The following CLIP1 variants were observed in gnomAD, a reference collection of about 807,000 sequenced individuals.
CLIP1 encodes CAP-Gly domain-containing linker protein 1.
CLIP1 carries 66 observed loss-of-function variants against 161.6 expected under a neutral mutation model. The ratio of observed to expected loss-of-function variants is 0.41; its 90% CI spans 0.33 to 0.50. The LOEUF is 0.50. Ranked by LOEUF, CLIP1 falls within the 20% of genes least tolerant of loss-of-function variation. CLIP1 has a pLI of 0.27. For missense variants in CLIP1, 1,376 were observed against 1,702.0 expected (o/e 0.81, Z 3.37); for synonymous variants, 598 against 626.2 (o/e 0.96, Z 0.67).
chr12:122,311,431 T>TG lies in CLIP1; in HGVS notation c.3474-1550_3474-1549insC, dbSNP rs201832428. Reference sequence around the variant, plus strand: ...AAAACAAAATTATTATTATTATTATTTTTTTTTTTTTGAGACAGAGTCTCG... The same window carrying TG: ...AAAACAAAATTATTATTATTATTATTGTTTTTTTTTTTGAGACAGAGTCTCG... On this transcript the variant is annotated intron_variant, in intron 19 of 25. Transcript: ENST00000620786. The surrounding 1 kb of genome is among the most constrained non-coding windows in gnomAD (Gnocchi z 4.3). Among the ~76,000 whole-genome samples, 1 of 147,314 alleles carries TG rather than the reference T, an allele frequency of 6.8e-6. No homozygotes were observed. Among genetic ancestry groups the TG allele is most frequent in the Non-Finnish European group, 1.5e-5 (1 of 67,492 alleles).
chr12:122,367,387 A>C (rs1954222006), intron 3 of CLIP1, among the ~76,000 whole-genome samples: 1 of 152,254 alleles, frequency 6.6e-6, no homozygotes, highest in Non-Finnish European at 1.5e-5. Flanking sequence ...CTCATTTAAC[A>C]GAAAATGTAT....
chr12:122,384,962 C>G (rs1405621570), intron 1 of CLIP1, among the ~76,000 whole-genome samples: 3 of 143,288 alleles, frequency 2.1e-5, no homozygotes, highest in African/African-American at 7.8e-5. Context: ...TTGAGACAGT[C>G]TCGCTCTGTC....
chr12:122,357,660 G>T lies in CLIP1; in HGVS notation c.1006-2348C>A, dbSNP rs1026873863. ...GGGAAGTGAGGAGCCCCTCTGCCCG[G>T]CCAGCCGCCCCGTCCGGGAGGGAGA... On this transcript the variant is annotated intron_variant, in intron 5 of 25. Coordinates refer to ENST00000620786, the MANE Select transcript of CLIP1 (RefSeq NM_001247997.2). 2.7e-5 allele frequency among the ~76,000 whole-genome samples: 4 copies of T among 148,544 alleles called. 1 individual carries two copies. The highest frequency in any genetic ancestry group is 4.5e-5 in the Non-Finnish European group (3 of 66,866).
At chr12:122,276,382 C>CCA (rs71082959) in intron 24 of CLIP1, 13,281 of 1,153,266 alleles carry the variant, frequency 0.012, 75 homozygotes, top group Middle Eastern at 0.052. Context: ...TAGTGGGAAA[C>CCA]CACACACACA....
chr12:122,292,951 C>T (rs1187208908), intron 20 of CLIP1, among the ~76,000 whole-genome samples: 4 of 138,766 alleles, frequency 2.9e-5, no homozygotes, highest in South Asian at 2.2e-4. Context: ...TGCAGTGGGC[C>T]GAGATAGCAC....
intron 1 of CLIP1, among the ~76,000 whole-genome samples, 183 bp downstream of exon 1, chr12:122,422,338 C>A (rs1593289666): frequency 6.6e-6 from 1 of 151,796 alleles, no homozygotes; most frequent in Non-Finnish European, 1.5e-5. Context: ...GCCTCCGGCG[C>A]CGGCCACCCG....
chr12:122,277,846 A>AAG, intron 24 of CLIP1: 1 of 253,102 alleles, frequency 4.0e-6, no homozygotes, highest in Non-Finnish European at 7.5e-6. Flanking sequence ...AAAAAAAAAA[A>AAG]GGGAGGGAAG....
rs1323994426 is a variant in CLIP1, at chr12:122,351,159, TA to T, written c.1369-17del. 3.3e-5 allele frequency: 47 copies of T among 1,433,144 alleles called. No homozygotes were observed. Among genetic ancestry groups the T allele is most frequent in the African/African-American group, 5.8e-5 (4 of 69,364 alleles). 88.8% of individuals were successfully genotyped at this position (1,433,144 alleles called of 1,614,324 possible). A position where few individuals can be genotyped will look rare whatever the true frequency, so the allele number is the denominator to read the frequency against. ...GGCTCTTTTGCTATCAGTAAAAAAA[TA>T]AAAAAAATTAAACAACAACAAAAAA... On this transcript the variant is annotated splice_polypyrimidine_tract_variant and intron_variant, in intron 8 of 25. Transcript: ENST00000620786.
intron 21 of CLIP1, among the ~76,000 whole-genome samples, chr12:122,284,460 C>T (rs547354309): frequency 6.6e-6 from 1 of 152,014 alleles, no homozygotes; most frequent in African/African-American, 2.4e-5. Flanking sequence ...TGAAGCGATT[C>T]TCCTGCCTCA....
chr12:122,307,223 G>A (rs1017562856), intron 20 of CLIP1, among the ~76,000 whole-genome samples: 1 of 151,780 alleles, frequency 6.6e-6, no homozygotes, highest in Non-Finnish European at 1.5e-5. Context: ...TGGCCAGGCC[G>A]GTCTCGAACT....
In CLIP1 at chr12:122,285,580, C is replaced by G. The variant is rs555961269; in HGVS notation, c.3647+2909G>C. On this transcript the variant is annotated intron_variant, in intron 21 of 25. Transcript: ENST00000620786. ...TCTTGAACTTCTGACCTCAAGTGATCCACCTGCCTTGGCCTCCCAAAGTGC... is the reference window on the plus strand; with the variant it reads ...TCTTGAACTTCTGACCTCAAGTGATGCACCTGCCTTGGCCTCCCAAAGTGC... Among the ~76,000 whole-genome samples, 5 of 152,092 alleles carry G rather than the reference C, an allele frequency of 3.3e-5. No individual in the cohort carries two copies. The South Asian group carries it at 1.0e-3, about 32-fold the overall frequency.
intron 3 of CLIP1, among the ~76,000 whole-genome samples, chr12:122,370,581 C>G (rs928455635): frequency 2.0e-5 from 3 of 152,084 alleles, no homozygotes; most frequent in African/African-American, 7.2e-5. Flanking sequence ...TTAAATAAAT[C>G]CCCTTAAAAA....
Position 122,355,240 on chromosome 12 carries a change from T to C in CLIP1, c.1078A>G (p.Lys360Glu). 6.2e-7 allele frequency: 1 copy of C among 1,614,176 alleles called. No homozygotes were observed. The highest frequency in any genetic ancestry group is 8.5e-7 in the Non-Finnish European group (1 of 1,180,022). The change falls in exon 6 of 26, where the codon AAG (lysine) becomes GAG (glutamate). Residue 360 changes from lysine to glutamate, a missense_variant. Transcript: ENST00000620786. This position sits in a 1 kb window ranked among gnomAD's most constrained non-coding sequence, Gnocchi z 4.1. ...AGCAGCTGCTCAATGTGCTGCTGCT[T>C]CTCCTTCAGGGCCTCCTGGAGGGCA... ...TTALQEALKEKQQHIEQLLAE... is the reference protein window; with the variant it reads ...TTALQEALKEEQQHIEQLLAE...
At chr12:122,273,903 T>C in intron 25 of CLIP1, 135 bp downstream of exon 25, 2 of 667,708 alleles carry the variant, frequency 3.0e-6, no homozygotes, top group South Asian at 1.8e-5. Context: ...GGCTAACTTT[T>C]GTATTTTTAG....
intron 1 of CLIP1, among the ~76,000 whole-genome samples, chr12:122,407,775 A>AAAAAAAAT (rs1566240910): frequency 1.4e-5 from 2 of 143,004 alleles, no homozygotes; most frequent in African/African-American, 5.1e-5. Flanking sequence ...AAAAAAAAAG[A>AAAAAAAAT]ATTGATTTCC....
rs570833537 is a variant in CLIP1, at chr12:122,283,306, G to T, written c.3648-4161C>A. On this transcript the variant is annotated intron_variant, in intron 21 of 25. Transcript: ENST00000620786. ...CAACTTGAGAGTTTTTCAAAGAAATGATTACATTTTTATGCTTGGGGAAAA... is the reference window on the plus strand; with the variant it reads ...CAACTTGAGAGTTTTTCAAAGAAATTATTACATTTTTATGCTTGGGGAAAA... Among the ~76,000 whole-genome samples, 6 of 151,794 alleles carry T rather than the reference G, an allele frequency of 4.0e-5. No individual in the cohort carries two copies. The East Asian group carries it at 7.7e-4, about 20-fold the overall frequency.
intron 20 of CLIP1, among the ~76,000 whole-genome samples, chr12:122,301,527 A>G (rs1950678065): frequency 6.6e-6 from 1 of 152,188 alleles, no homozygotes; most frequent in Non-Finnish European, 1.5e-5. Context: ...TACAAAAATT[A>G]GCTGGGCGTG....
At chr12:122,278,605 C>T (rs1162031812) in intron 23 of CLIP1, 187 bp downstream of exon 23, 2 of 599,458 alleles carry the variant, frequency 3.3e-6, no homozygotes, top group Non-Finnish European at 5.5e-6. Context: ...TGACAGACCA[C>T]AAGAAGCCCC....
Position 122,278,888 on chromosome 12 carries a change from G to C in CLIP1, c.3820C>G (p.Gln1274Glu). 3.7e-6 allele frequency: 6 copies of C among 1,613,362 alleles called. No homozygotes were observed. The South Asian group carries it at 6.6e-5, about 18-fold the overall frequency. The part of the protein sequence containing the change: ...ASAKSLHSVV[Q>E]TLESDKVKLE... ...TTCACCTTATCAGACTCTAGAGTCT[G>C]AACAACTGAATGCAAGGACTTGGCA... The change falls in exon 23 of 26, where the codon CAG becomes GAG. Residue 1274 changes from glutamine (Q) to glutamate (E), a missense_variant. By Grantham distance (29) the Gln-to-Glu change is conservative (BLOSUM62 2). Around this residue, in one of 6 missense-constraint regions of CLIP1, gnomAD observed 948 missense variants for 1,134.8 expected, o/e 0.84. Transcript: ENST00000620786.
Sources: allele counts gnomAD v4.1 joint callset (sites outside exome capture counted in the v4.1 genomes callset), GRCh38; gene constraint gnomAD v4.1.1; regional missense constraint gnomAD v4.1.1; non-coding constraint Gnocchi (gnomAD v3.1); transcripts MANE v1.5; gene names NCBI Gene and HGNC (gene_info 2026-07-23, HGNC 2026-07-21).